The following RBPJL variants were observed in gnomAD, a reference collection of about 807,000 sequenced individuals.
The protein encoded by RBPJL is recombining binding protein suppressor of hairless-like protein.
In RBPJL, 50 loss-of-function variants were observed where a neutral mutation model predicts 57.6. The observed-to-expected ratio is 0.87, with a 90% CI of 0.69 to 1.10. The LOEUF is 1.10. Ranked by LOEUF, RBPJL falls within the 50% of genes least tolerant of loss-of-function variation. The pLI is 0.00. For missense variants in RBPJL, 684 were observed against 693.7 expected, an observed-to-expected ratio of 0.99 and a Z score of 0.16; for synonymous variants, 303 against 294.4, an observed-to-expected ratio of 1.03 and a Z score of -0.30.
chr20:45,307,315 T>G (rs1281682904), intron 1 of RBPJL, among the ~76,000 whole-genome samples: 5 of 152,166 alleles, frequency 3.3e-5, no homozygotes, highest in Non-Finnish European at 7.3e-5. Flanking sequence ...GCGAGGCCAG[T>G]GCCTGCTTCT....
chr20:45,312,531 G>C, intron 6 of RBPJL, 136 bp downstream of exon 6: 1 of 850,152 alleles, frequency 1.2e-6, no homozygotes, highest in South Asian at 1.7e-5. Flanking sequence ...GGAGCCGAGA[G>C]GGGAAGGAGT....
chr20:45,308,105 C>T (rs749535992), intron 1 of RBPJL, 38 bp from the exon 2 acceptor site: 5 of 1,469,014 alleles, frequency 3.4e-6, no homozygotes, highest in Non-Finnish European at 3.8e-6. Context: ...TGCTAAAATA[C>T]ACTCGCCTGA....
rs752735809 is a variant in RBPJL at position 45,309,621 on chromosome 20, G to T, written c.186G>T (p.Gln62His). 1 of 1,613,386 alleles carries T rather than the reference G, an allele frequency of 6.2e-7. No homozygotes were observed. Among genetic ancestry groups the T allele is most frequent in the South Asian group, 1.1e-5 (1 of 90,864 alleles). Residue 62 changes from glutamine (Q) to histidine (H), a missense_variant, in exon 3 of 12, where the codon CAG becomes CAT. Coordinates refer to ENST00000343694, the MANE Select transcript of RBPJL (RefSeq NM_014276.4). ...GGGGAGGCGTGCGCAGGTGCCTGCA[G>T]CAACAGTGTGAACAGACTGTGCGGA... The part of the protein sequence containing the change: ...ILRGGVRRCL[Q>H]QQCEQTVRIL...
Position 45,316,987 on chromosome 20 carries a change from C to T in RBPJL, c.*28C>T. On this transcript the variant is annotated 3_prime_UTR_variant, in exon 12 of 12. Coordinates refer to ENST00000343694, the MANE Select transcript of RBPJL (RefSeq NM_014276.4). ...GCGCCCGGTAGCCCCGGCTGCCCACCCTGGAGGGCTGCGCCCGCGCCAGGC... is the reference window on the plus strand; with the variant it reads ...GCGCCCGGTAGCCCCGGCTGCCCACTCTGGAGGGCTGCGCCCGCGCCAGGC... 6.3e-7 allele frequency: 1 copy of T among 1,596,640 alleles called. No individual in the cohort carries two copies. The highest frequency in any genetic ancestry group is 1.3e-5 in the African/African-American group (1 of 74,466).
At chr20:45,310,321 G>T (rs1987095649) in intron 3 of RBPJL, among the ~76,000 whole-genome samples, 1 of 152,072 alleles carries the variant, frequency 6.6e-6, no homozygotes, top group Non-Finnish European at 1.5e-5. Context: ...AGAAGGAACA[G>T]AAGGGCCGGG....
rs1987519052 is a variant in RBPJL at position 45,317,121 on chromosome 20, A to C, written c.*162A>C. ...GGGCCTGGTGGGTCTTACCCGGCTC[A>C]CTCCCTCCCTTGTCCTTACACATAC... On this transcript the variant is annotated 3_prime_UTR_variant, in exon 12 of 12. Transcript: ENST00000343694. 3 of 765,264 alleles carry C rather than the reference A, an allele frequency of 3.9e-6. No homozygotes were observed. Among genetic ancestry groups the C allele is most frequent in the South Asian group, 3.6e-5 (2 of 55,766 alleles). The allele number at this position is 765,264 out of a possible 1,614,324, so 47.4% of individuals were successfully genotyped here.
intron 3 of RBPJL, among the ~76,000 whole-genome samples, chr20:45,310,711 T>G (rs903390228): frequency 6.6e-6 from 1 of 151,742 alleles, no homozygotes; most frequent in East Asian, 1.9e-4. Context: ...AGGGAGGAGT[T>G]GTAGGAAACA....
In RBPJL at chr20:45,317,143, A is replaced by G. The variant is rs79587050; in HGVS notation, c.*184A>G. The G allele has an allele frequency of 2.1e-3, 1,345 of 653,480 alleles. 11 individuals are homozygous for G. The African/African-American group carries it at 0.021, about 10-fold the overall frequency. The allele number at this position is 653,480 out of a possible 1,614,324, so 40.5% of individuals were successfully genotyped here. A position where few individuals can be genotyped will look rare whatever the true frequency, so the allele number is the denominator to read the frequency against. Reference sequence around the variant, plus strand: ...CTCACTCCCTCCCTTGTCCTTACACATACAGGAAGACAAGACCTGAGTGGT... The same window carrying G: ...CTCACTCCCTCCCTTGTCCTTACACGTACAGGAAGACAAGACCTGAGTGGT... On this transcript the variant is annotated 3_prime_UTR_variant, in exon 12 of 12. Transcript: ENST00000343694.
intron 2 of RBPJL, 134 bp downstream of exon 2, chr20:45,308,385 G>A: frequency 1.6e-6 from 1 of 629,904 alleles, no homozygotes; most frequent in African/African-American, 1.8e-5. Context: ...CCCACTGGCA[G>A]GGAGGGATCC....
chr20:45,311,468 G>A lies in RBPJL; in HGVS notation c.258-121G>A, dbSNP rs1042847414. On this transcript the variant is annotated intron_variant, in intron 3 of 11. Transcript: ENST00000343694. ...ATGGGGTTTACAGTCGTGAAAAAGCGTTGCGGGGAGCGGGAGGAGGAAACG... is the reference window on the plus strand; with the variant it reads ...ATGGGGTTTACAGTCGTGAAAAAGCATTGCGGGGAGCGGGAGGAGGAAACG... 5.9e-6 allele frequency: 5 copies of A among 851,586 alleles called. No homozygotes were observed. In the African/African-American group the frequency reaches 6.6e-5, roughly 11 times the overall value. The allele number at this position is 851,586 out of a possible 1,614,324, so 52.8% of individuals were successfully genotyped here.
chr20:45,308,260 G>C lies in RBPJL; in HGVS notation c.131+9G>C, dbSNP rs1343488138. On this transcript the variant is annotated intron_variant, in intron 2 of 11. Coordinates refer to ENST00000343694, the MANE Select transcript of RBPJL (RefSeq NM_014276.4). The stretch of plus-strand genomic sequence containing the variant: ...CCGGGCACTTGGACCAGGTAACGGC[G>C]GCGTGGCAGCGTGCCCTAGGTGGGG... 1 of 1,590,172 alleles carries C rather than the reference G, an allele frequency of 6.3e-7. No homozygotes were observed. The highest frequency in any genetic ancestry group is 8.6e-7 in the Non-Finnish European group (1 of 1,158,496).
At chr20:45,316,418 G>A in intron 10 of RBPJL, 59 bp from the exon 11 acceptor site, 2 of 1,581,384 alleles carry the variant, frequency 1.3e-6, no homozygotes, top group Non-Finnish European at 8.6e-7. Flanking sequence ...GTGAGTGGGG[G>A]GCAGCGGGTT....
chr20:45,313,441 C>A, intron 6 of RBPJL, 27 bp from the exon 7 acceptor site: 2 of 1,592,466 alleles, frequency 1.3e-6, no homozygotes, highest in Non-Finnish European at 1.7e-6. Flanking sequence ...CTCACCCTCA[C>A]CCTAACCCTG....
intron 10 of RBPJL, 54 bp from the exon 11 acceptor site, chr20:45,316,423 C>A (rs1200743138): frequency 6.4e-6 from 10 of 1,572,328 alleles, no homozygotes; most frequent in African/African-American, 1.4e-5. Flanking sequence ...TGGGGGGCAG[C>A]GGGTTCCCGC....
intron 3 of RBPJL, among the ~76,000 whole-genome samples, chr20:45,309,983 A>T (rs966881243): frequency 1.6e-4 from 24 of 152,174 alleles, no homozygotes; most frequent in African/African-American, 4.8e-4. Flanking sequence ...TCATGTATGC[A>T]CCAGGCTCTG....
chr20:45,312,363 C>G lies in RBPJL; in HGVS notation c.587C>G (p.Ser196Trp), dbSNP rs201253422. ...CTTATCAAGGTCATCTCGAAGCCCT[C>G]GCAGAAGAAGCAGTCGCTGAAAAAC... The part of the protein sequence containing the change: ...SRLIKVISKP[S>W]QKKQSLKNTD... The change falls in exon 6 of 12, where the codon TCG (serine) becomes TGG (tryptophan). Residue 196 changes from serine to tryptophan, a missense_variant. By Grantham distance (177) the Ser-to-Trp change is radical. Coordinates refer to ENST00000343694, the MANE Select transcript of RBPJL (RefSeq NM_014276.4). 1.2e-6 allele frequency: 2 copies of G among 1,614,056 alleles called. No homozygotes were observed. Among genetic ancestry groups the G allele is most frequent in the Non-Finnish European group, 1.7e-6 (2 of 1,180,014 alleles).
chr20:45,307,957 G>A (rs1986880386), intron 1 of RBPJL, among the ~76,000 whole-genome samples, 186 bp from the exon 2 acceptor site: 2 of 152,138 alleles, frequency 1.3e-5, no homozygotes, highest in Admixed American at 6.5e-5. Context: ...ACATTTCAGG[G>A]GGTTCCTGGA....
At chr20:45,314,652 G>T in intron 9 of RBPJL, 87 bp downstream of exon 9, 1 of 1,335,684 alleles carries the variant, frequency 7.5e-7, no homozygotes. Context: ...CCCTCACCAT[G>T]GTTGCTACTT....
rs1040753406 is a variant in RBPJL at position 45,311,849 on chromosome 20, G to C, written c.339G>C (p.Ala113=). The C allele has an allele frequency of 6.4e-7, 1 of 1,551,588 alleles. No homozygotes were observed. Among genetic ancestry groups the C allele is most frequent in the East Asian group, 2.4e-5 (1 of 40,948 alleles). Residue 113 remains alanine (A), a synonymous_variant, in exon 5 of 12, where the codon GCG becomes GCC. Coordinates refer to ENST00000343694, the MANE Select transcript of RBPJL (RefSeq NM_014276.4). ...CGCGTCCCTTTCCAGCTCACCAGGC[G>C]GGGGAAACGGGGCCCACGGTCTGCG... ...VKPGQDQAHQ[A]GETGPTVCGY... is the part of the protein sequence containing the mutation.
Sources: allele counts gnomAD v4.1 joint callset (sites outside exome capture counted in the v4.1 genomes callset), GRCh38; gene constraint gnomAD v4.1.1; transcripts MANE v1.5; gene names NCBI Gene and HGNC (gene_info 2026-07-23, HGNC 2026-07-21).